The following PCSK5 variants were observed in gnomAD, a reference collection of about 807,000 sequenced individuals.
PCSK5 encodes prohormone convertase 5.
Under a neutral mutation model 233.2 loss-of-function variants are expected in PCSK5, and 129 were observed. The ratio of observed to expected loss-of-function variants is 0.55; its 90% CI spans 0.48 to 0.64. The LOEUF is 0.64. Ranked by LOEUF, PCSK5 falls within the 30% of genes least tolerant of loss-of-function variation. The pLI is 0.00. For synonymous variants in PCSK5, 825 were observed against 879.2 expected, an observed-to-expected ratio of 0.94 and a Z score of 1.09; for missense variants, 2,076 against 2,430.1, an observed-to-expected ratio of 0.85 and a Z score of 3.06.
chr9:76,038,912 A>G (rs1469972876), intron 5 of PCSK5, among the ~76,000 whole-genome samples: 2 of 152,158 alleles, frequency 1.3e-5, no homozygotes, highest in Non-Finnish European at 2.9e-5. Flanking sequence ...TTTTATATCA[A>G]ATTGTTCAAC....
chr9:75,977,897 C>T (rs1371410819), intron 2 of PCSK5, among the ~76,000 whole-genome samples: 1 of 151,722 alleles, frequency 6.6e-6, no homozygotes, highest in African/African-American at 2.4e-5. Flanking sequence ...AAGCTTGAGC[C>T]ACCGCGCCCG....
chr9:76,091,356 G>A (rs1346533120), intron 7 of PCSK5, among the ~76,000 whole-genome samples: 1 of 151,956 alleles, frequency 6.6e-6, no homozygotes, highest in Non-Finnish European at 1.5e-5. Context: ...AGAGAGATCT[G>A]AGCTCTGTTA....
At chr9:75,993,478 T>A (rs371194205) in intron 3 of PCSK5, among the ~76,000 whole-genome samples, 1 of 152,168 alleles carries the variant, frequency 6.6e-6, no homozygotes, top group Non-Finnish European at 1.5e-5. Flanking sequence ...CCTAGAGAGA[T>A]CACATACCAT....
chr9:76,185,189 T>C (rs192465363), intron 17 of PCSK5, among the ~76,000 whole-genome samples: 1 of 150,000 alleles, frequency 6.7e-6, no homozygotes, highest in Admixed American at 6.6e-5. Context: ...CATTCTCTTA[T>C]CTTAAGTATC....
intron 37 of PCSK5, among the ~76,000 whole-genome samples, chr9:76,357,927 G>A (rs1830342684): frequency 6.6e-6 from 1 of 152,162 alleles, no homozygotes; most frequent in South Asian, 2.1e-4. Context: ...CCTTGGGAGA[G>A]GACTCAGTCT....
At chr9:76,161,567 C>T (rs1822859380) in intron 12 of PCSK5, among the ~76,000 whole-genome samples, 2 of 151,122 alleles carry the variant, frequency 1.3e-5, no homozygotes, top group African/African-American at 4.9e-5. Context: ...AGCCCCCTTC[C>T]TTGTAGAGAA....
intron 7 of PCSK5, among the ~76,000 whole-genome samples, chr9:76,081,944 C>A (rs1188983411): frequency 6.6e-6 from 1 of 152,180 alleles, no homozygotes; most frequent in African/African-American, 2.4e-5. Flanking sequence ...AGCATACTTT[C>A]CAAACTTCCC....
Position 76,175,149 on chromosome 9 carries a change from G to T in PCSK5, c.1900+20G>T, listed in dbSNP as rs764208260. The T allele has an allele frequency of 1.2e-6, 2 of 1,610,466 alleles. No homozygotes were observed. Among genetic ancestry groups the T allele is most frequent in the South Asian group, 2.2e-5 (2 of 90,870 alleles). On this transcript the variant is annotated intron_variant, in intron 14 of 37. Transcript: ENST00000674117. Reference sequence around the variant, plus strand: ...ATGCAGGTGAGCTGGCTTCCAGTGGGACACAGGCTAAAAAGAGGCAGCTCA... The same window carrying T: ...ATGCAGGTGAGCTGGCTTCCAGTGGTACACAGGCTAAAAAGAGGCAGCTCA...
chr9:76,361,906 G>A lies in PCSK5; in HGVS notation c.*2984G>A, dbSNP rs1413448419. 1 of 152,088 alleles carries A rather than the reference G, an allele frequency of 6.6e-6. No individual in the cohort carries two copies. Among genetic ancestry groups the A allele is most frequent in the Non-Finnish European group, 1.5e-5 (1 of 68,022 alleles). The allele number at this position is 152,088 out of a possible 1,614,324, so 9.4% of individuals were successfully genotyped here. On this transcript the variant is annotated 3_prime_UTR_variant, in exon 38 of 38. Coordinates refer to ENST00000674117, the MANE Select transcript of PCSK5 (RefSeq NM_001372043.1). ...GTTCATCTTCCTTGTTAATTCTAAA[G>A]CTCTGATAGACTGAGTTTGACATTT...
At chr9:76,010,976 G>A (rs1827706756) in intron 3 of PCSK5, among the ~76,000 whole-genome samples, 1 of 152,088 alleles carries the variant, frequency 6.6e-6, no homozygotes, top group Non-Finnish European at 1.5e-5. Context: ...CAGTGTCCTT[G>A]CTCTATACAT....
intron 9 of PCSK5, among the ~76,000 whole-genome samples, chr9:76,113,967 T>C (rs1000734583): frequency 5.9e-5 from 9 of 152,226 alleles, no homozygotes; most frequent in African/African-American, 2.2e-4. Context: ...ACTTAGAAAG[T>C]ACTTGCACAG....
At chr9:75,949,767 G>A (rs910221437) in intron 2 of PCSK5, among the ~76,000 whole-genome samples, 2 of 151,914 alleles carry the variant, frequency 1.3e-5, no homozygotes, top group East Asian at 1.9e-4. Flanking sequence ...ACTGTGATCC[G>A]CCCACCTCAG....
chr9:76,093,025 T>C (rs1485042869), intron 7 of PCSK5, among the ~76,000 whole-genome samples: 1 of 151,668 alleles, frequency 6.6e-6, no homozygotes, highest in Admixed American at 6.6e-5. Flanking sequence ...CTTTATGGTA[T>C]GCATGGAAAT....
At chr9:75,946,053 G>T (rs569907594) in intron 2 of PCSK5, among the ~76,000 whole-genome samples, 1 of 152,156 alleles carries the variant, frequency 6.6e-6, no homozygotes, top group South Asian at 2.1e-4. Context: ...ATTAACTGTG[G>T]TATTCCCATG....
intron 3 of PCSK5, among the ~76,000 whole-genome samples, chr9:75,998,555 A>G (rs2225969): frequency 0.038 from 5,787 of 152,322 alleles, 200 homozygotes; most frequent in East Asian, 0.18. Flanking sequence ...TCTTTCTGTA[A>G]TGGGTGATTC....
At chr9:76,060,130 G>A (rs956474398) in intron 5 of PCSK5, among the ~76,000 whole-genome samples, 1 of 152,126 alleles carries the variant, frequency 6.6e-6, no homozygotes, top group African/African-American at 2.4e-5. Context: ...AAGAAACAGA[G>A]CAAAGAATGT....
At chr9:76,069,190 A>G (rs1830392956) in intron 6 of PCSK5, among the ~76,000 whole-genome samples, 1 of 152,152 alleles carries the variant, frequency 6.6e-6, no homozygotes, top group African/African-American at 2.4e-5. Flanking sequence ...AGCTAAAGAA[A>G]AGAGGCAAAG....
intron 20 of PCSK5, among the ~76,000 whole-genome samples, chr9:76,226,234 C>A (rs1414138159): frequency 6.6e-6 from 1 of 152,134 alleles, no homozygotes; most frequent in Non-Finnish European, 1.5e-5. Flanking sequence ...ACATGAAAGG[C>A]TTTTTCTGCT....
At chr9:76,322,985 T>C (rs55903217) in intron 31 of PCSK5, 67 bp from the exon 32 acceptor site, 267,957 of 842,228 alleles carry the variant, frequency 0.32, 44,590 homozygotes, top group African/African-American at 0.44. Flanking sequence ...GGAGCTAGCC[T>C]ACTGCAGACA....
Sources: gnomAD v4.1 joint callset for allele counts (sites outside exome capture counted in the v4.1 genomes callset) on GRCh38, gnomAD v4.1.1 for gene constraint, MANE v1.5 for transcripts, NCBI Gene and HGNC (gene_info 2026-07-23, HGNC 2026-07-21) for gene names.